The following CSRNP3 variants were observed in gnomAD, a reference collection of about 807,000 sequenced individuals.
The protein encoded by CSRNP3 is cysteine/serine-rich nuclear protein 3.
CSRNP3 carries 12 observed loss-of-function variants against 48.0 expected under a neutral mutation model. The observed-to-expected ratio is 0.25, with a 90% CI of 0.16 to 0.41. The LOEUF (loss-of-function observed/expected upper bound fraction) is 0.41. CSRNP3 is among the 10% of genes least tolerant of loss of function. The pLI, the probability that CSRNP3 is intolerant of heterozygous loss-of-function variation, is 1.00. For missense variants in CSRNP3, 580 were observed against 724.4 expected, an observed-to-expected ratio of 0.80 and a Z score of 2.29; for synonymous variants, 263 against 269.7, an observed-to-expected ratio of 0.98 and a Z score of 0.24.
intron 3 of CSRNP3, among the ~76,000 whole-genome samples, chr2:165,524,998 G>A (rs1363965445): frequency 1.3e-5 from 2 of 152,144 alleles, no homozygotes; most frequent in Admixed American, 6.5e-5. Flanking sequence ...TTCTCAGACT[G>A]CAAAATTGTT....
chr2:165,566,611 T>C (rs1216494030), intron 3 of CSRNP3, among the ~76,000 whole-genome samples: 1 of 152,012 alleles, frequency 6.6e-6, no homozygotes, highest in Non-Finnish European at 1.5e-5. Flanking sequence ...CTATTAGCTA[T>C]TTTTAGATAG....
At chr2:165,574,495 T>G (rs867962094) in intron 3 of CSRNP3, 1 of 1,115,800 alleles carries the variant, frequency 9.0e-7, no homozygotes. Context: ...GGGCATTGGC[T>G]ATTTTAATTC....
chr2:165,639,969 C>CA (rs1330874648), intron 4 of CSRNP3, among the ~76,000 whole-genome samples: 2 of 151,970 alleles, frequency 1.3e-5, no homozygotes, highest in African/African-American at 4.8e-5. Context: ...TATCAGACCC[C>CA]AAAAAAGTAT....
intron 3 of CSRNP3, among the ~76,000 whole-genome samples, chr2:165,589,578 C>A (rs1175159917): frequency 6.6e-6 from 1 of 152,172 alleles, no homozygotes; most frequent in African/African-American, 2.4e-5. Flanking sequence ...AACAGTTCCT[C>A]ACTTCCTTTG....
In CSRNP3 at chr2:165,617,794, G is replaced by A. The variant is rs551478773; in HGVS notation, c.148+22581G>A. Among the ~76,000 whole-genome samples, 10 of 152,328 alleles carry A rather than the reference G, an allele frequency of 6.6e-5. No individual in the cohort carries two copies. The East Asian group carries it at 7.7e-4, about 12-fold the overall frequency. ...TTCTTCAGCTCCCTATGTCCTGTGCGTGGCCCACATAATGTGCTTGACCAA... is the reference window on the plus strand; with the variant it reads ...TTCTTCAGCTCCCTATGTCCTGTGCATGGCCCACATAATGTGCTTGACCAA... On this transcript the variant is annotated intron_variant, in intron 4 of 6. Coordinates refer to ENST00000651982, the MANE Select transcript of CSRNP3 (RefSeq NM_001172173.2).
At chr2:165,525,211 G>T (rs1684716569) in intron 3 of CSRNP3, among the ~76,000 whole-genome samples, 1 of 151,956 alleles carries the variant, frequency 6.6e-6, no homozygotes, top group African/African-American at 2.4e-5. Context: ...CCATCTGTTT[G>T]TTTTCTTTTG....
chr2:165,621,608 T>C (rs1316856017), intron 4 of CSRNP3, among the ~76,000 whole-genome samples: 1 of 152,192 alleles, frequency 6.6e-6, no homozygotes, highest in Non-Finnish European at 1.5e-5. Flanking sequence ...AGAGTATGTT[T>C]AGCTGTTTTG....
At chr2:165,664,648 T>G (rs927413934) in intron 5 of CSRNP3, among the ~76,000 whole-genome samples, 2 of 152,240 alleles carry the variant, frequency 1.3e-5, no homozygotes, top group African/African-American at 4.8e-5. Context: ...TGCCCTGGTT[T>G]CCTTCCTCTG....
intron 4 of CSRNP3, among the ~76,000 whole-genome samples, chr2:165,640,480 A>T (rs967133700): frequency 1.3e-5 from 2 of 152,186 alleles, no homozygotes; most frequent in Non-Finnish European, 2.9e-5. Context: ...ATCTACTGGT[A>T]TGTTTCACTC....
chr2:165,598,173 T>C (rs1243336842), intron 4 of CSRNP3, among the ~76,000 whole-genome samples: 1 of 152,098 alleles, frequency 6.6e-6, no homozygotes, highest in Non-Finnish European at 1.5e-5. Flanking sequence ...AAAGGTAACC[T>C]AAGAGTGAGG....
intron 4 of CSRNP3, among the ~76,000 whole-genome samples, chr2:165,599,275 GAGAGAGAGAGAA>G (rs1274307892): frequency 2.2e-5 from 1 of 45,260 alleles, no homozygotes. Flanking sequence ...AAGAAAGAAA[GAGAGAGAGAGAA>G]AGAAAGAAAG....
intron 5 of CSRNP3, among the ~76,000 whole-genome samples, chr2:165,658,851 C>T (rs1467170372): frequency 6.6e-6 from 1 of 152,118 alleles, no homozygotes; most frequent in Non-Finnish European, 1.5e-5. Flanking sequence ...TGGGTCCCTG[C>T]CACAACACAT....
At chr2:165,522,887 G>T (rs1306338391) in intron 3 of CSRNP3, among the ~76,000 whole-genome samples, 2 of 151,908 alleles carry the variant, frequency 1.3e-5, no homozygotes, top group African/African-American at 4.8e-5. Flanking sequence ...AGTGCTACAG[G>T]AGCAATTATA....
chr2:165,550,926 C>T (rs1226306117), intron 3 of CSRNP3, among the ~76,000 whole-genome samples: 1 of 152,080 alleles, frequency 6.6e-6, no homozygotes, highest in Non-Finnish European at 1.5e-5. Flanking sequence ...GCAATTTTAG[C>T]TTTACCACAT....
Position 165,679,131 on chromosome 2 carries a change from A to G in CSRNP3, c.1136A>G (p.Glu379Gly). Residue 379 changes from glutamate to glycine, a missense_variant, in exon 7 of 7, where the codon GAA (glutamate) becomes GGA (glycine). Glu to Gly is a moderately conservative substitution (Grantham distance 98). Coordinates refer to ENST00000651982, the MANE Select transcript of CSRNP3 (RefSeq NM_001172173.2). ...GAGGAGGAGGAGGAAGAAGAAGAGG[A>G]AGAGGAGGAGGAGGATGACGATGAT... ...SDEEEEEEEE[E>G]EEEEDDDDDK... is the part of the protein sequence containing the mutation. 1 of 1,613,784 alleles carries G rather than the reference A, an allele frequency of 6.2e-7. No individual in the cohort carries two copies. Among genetic ancestry groups the G allele is most frequent in the Non-Finnish European group, 8.5e-7 (1 of 1,179,930 alleles).
At chr2:165,601,810 A>G (rs1685920451) in intron 4 of CSRNP3, among the ~76,000 whole-genome samples, 1 of 152,196 alleles carries the variant, frequency 6.6e-6, no homozygotes, top group African/African-American at 2.4e-5. Flanking sequence ...ATGGGATTAG[A>G]CATAAAGAAT....
chr2:165,619,107 AT>A (rs1686297008), intron 4 of CSRNP3, among the ~76,000 whole-genome samples: 1 of 152,180 alleles, frequency 6.6e-6, no homozygotes, highest in South Asian at 2.1e-4. Context: ...TGTTGTGGGT[AT>A]CTTATTATAG....
chr2:165,625,563 G>A (rs923963873), intron 4 of CSRNP3, among the ~76,000 whole-genome samples: 4 of 151,876 alleles, frequency 2.6e-5, no homozygotes, highest in Non-Finnish European at 5.9e-5. Flanking sequence ...GAACCTGGGA[G>A]GCAGAGGTTG....
intron 3 of CSRNP3, among the ~76,000 whole-genome samples, chr2:165,520,773 TATATATATATTATATA>T (rs1684642666): frequency 2.4e-4 from 14 of 58,494 alleles, no homozygotes; most frequent in African/African-American, 8.7e-4. Flanking sequence ...AAATATATTA[TATATATATATTATATA>T]TATATATATA....
Sources: allele counts gnomAD v4.1 joint callset (sites outside exome capture counted in the v4.1 genomes callset), GRCh38; gene constraint gnomAD v4.1.1; transcripts MANE v1.5; gene names NCBI Gene and HGNC (gene_info 2026-07-23, HGNC 2026-07-21).